The following PCDHA9 variants were observed in gnomAD, a reference collection of about 807,000 sequenced individuals.
PCDHA9 encodes the protein protocadherin alpha-9.
In PCDHA9, 62 loss-of-function variants were observed where a neutral mutation model predicts 62.0. The ratio of observed to expected loss-of-function variants is 1.00; its 90% CI spans 0.81 to 1.23. The LOEUF is 1.23. Among genes scored for constraint, PCDHA9 ranks in the 50% most tolerant of loss-of-function variants. The pLI is 0.00. For synonymous variants in PCDHA9, 557 were observed against 567.6 expected (o/e 0.98, Z 0.27); for missense variants, 1,205 against 1,249.8 (o/e 0.96, Z 0.54).
At chr5:140,852,040 G>A (rs2150280605) in intron 1 of PCDHA9, 1 of 922,330 alleles carries the variant, frequency 1.1e-6, no homozygotes, top group Admixed American at 6.3e-5. Flanking sequence ...TTGAGTTTTT[G>A]TTATGTGGTT....
At chr5:140,900,713 G>A (rs1367112592) in intron 1 of PCDHA9, among the ~76,000 whole-genome samples, 1 of 152,194 alleles carries the variant, frequency 6.6e-6, no homozygotes, top group Non-Finnish European at 1.5e-5. Context: ...TGGAAAGAAA[G>A]GAAATCCTAC....
chr5:140,861,527 G>C (rs1554154863), intron 1 of PCDHA9: 3 of 454,914 alleles, frequency 6.6e-6, no homozygotes, highest in Non-Finnish European at 1.4e-5. Context: ...GGAGGATCTC[G>C]GAGTGCAGCA....
At chr5:140,960,903 G>C (rs560284839) in intron 1 of PCDHA9, among the ~76,000 whole-genome samples, 3 of 152,308 alleles carry the variant, frequency 2.0e-5, no homozygotes, top group African/African-American at 7.2e-5. Context: ...GGCATATCTT[G>C]AGTTTCAGAT....
chr5:140,971,091 T>G (rs1355075556), intron 1 of PCDHA9, among the ~76,000 whole-genome samples: 1 of 152,180 alleles, frequency 6.6e-6, no homozygotes, highest in Non-Finnish European at 1.5e-5. Flanking sequence ...AACAAATTCT[T>G]GTGAAGCCCT....
chr5:140,977,359 A>G (rs1335405602), intron 1 of PCDHA9, among the ~76,000 whole-genome samples: 6 of 152,212 alleles, frequency 3.9e-5, no homozygotes, highest in Non-Finnish European at 8.8e-5. Context: ...TGATTGATAA[A>G]AAGTATTTTA....
In PCDHA9 at chr5:140,982,326, G is replaced by T. The variant is rs1369721700; in HGVS notation, c.2454-149G>T. 1.6e-5 allele frequency: 22 copies of T among 1,411,958 alleles called. No homozygotes were observed. In the Admixed American group the frequency reaches 3.0e-4, roughly 20 times the overall value. The allele number at this position is 1,411,958 out of a possible 1,614,324, so 87.5% of individuals were successfully genotyped here. On this transcript the variant is annotated intron_variant, in intron 2 of 3. Transcript: ENST00000532602. ...CTTCTGCAGTTTATGCAGGGTGACTGCTCAGCAGTAATTGCTTCAGTTCAA... is the reference window on the plus strand; with the variant it reads ...CTTCTGCAGTTTATGCAGGGTGACTTCTCAGCAGTAATTGCTTCAGTTCAA...
chr5:140,884,012 C>T, intron 1 of PCDHA9: 1 of 1,613,134 alleles, frequency 6.2e-7, no homozygotes, highest in Non-Finnish European at 8.5e-7. Context: ...CGAGCTGATG[C>T]CGCGGTCGGT....
At chr5:140,926,557 C>G (rs2083347198) in intron 1 of PCDHA9, 1 of 241,254 alleles carries the variant, frequency 4.1e-6, no homozygotes. Context: ...GACCCCAGCC[C>G]GCTGCTACTG....
At chr5:140,999,620 G>A (rs184259991) in intron 3 of PCDHA9, among the ~76,000 whole-genome samples, 6 of 152,262 alleles carry the variant, frequency 3.9e-5, no homozygotes, top group African/African-American at 1.2e-4. Flanking sequence ...TATCAACCAG[G>A]AAACAAGGTA....
chr5:140,897,947 T>G (rs1276045551), intron 1 of PCDHA9, among the ~76,000 whole-genome samples: 14 of 152,168 alleles, frequency 9.2e-5, no homozygotes, highest in African/African-American at 3.4e-4. Context: ...CAGTGATGAT[T>G]AGCATTTTTT....
chr5:140,995,993 A>G (rs1017469411), intron 3 of PCDHA9, among the ~76,000 whole-genome samples: 16 of 152,226 alleles, frequency 1.1e-4, no homozygotes, highest in Non-Finnish European at 1.8e-4. Context: ...GCCACTCAAA[A>G]ATGTCGTCAG....
At position 140,851,269 on chromosome 5, in the gene PCDHA9, T is replaced by C. The variant is rs1035284960; in HGVS notation, c.2394+380T>C. ...GATGCATAGTATTTTAGTCTACTTG[T>C]ATTGTTTATAAGAAACCCAAGCAAA... is the stretch of plus-strand genomic sequence containing the variant. On this transcript the variant is annotated intron_variant, in intron 1 of 3. Transcript: ENST00000532602. 2.6e-5 allele frequency: 28 copies of C among 1,066,570 alleles called. No homozygotes were observed. In the South Asian group the frequency reaches 9.7e-4, roughly 37 times the overall value. The allele number at this position is 1,066,570 out of a possible 1,614,324, so 66.1% of individuals were successfully genotyped here. A position where few individuals can be genotyped will look rare whatever the true frequency, so the allele number is the denominator to read the frequency against.
At chr5:140,861,303 GA>G in intron 1 of PCDHA9, 1 of 189,594 alleles carries the variant, frequency 5.3e-6, no homozygotes. Context: ...TGTGAAGCGG[GA>G]AAGGACCAGT....
intron 1 of PCDHA9, chr5:140,882,711 C>A: frequency 6.2e-7 from 1 of 1,614,160 alleles, no homozygotes; most frequent in Non-Finnish European, 8.5e-7. Flanking sequence ...TCTAGACCTC[C>A]GGAAACTCGA....
chr5:140,858,776 C>T, intron 1 of PCDHA9: 1 of 420,692 alleles, frequency 2.4e-6, no homozygotes, highest in Non-Finnish European at 4.3e-6. Flanking sequence ...GAGATTAGTA[C>T]TTCATGTTAT....
chr5:140,899,197 A>G (rs1300452676), intron 1 of PCDHA9, among the ~76,000 whole-genome samples: 2 of 152,018 alleles, frequency 1.3e-5, no homozygotes, highest in Admixed American at 6.6e-5. Context: ...TCTCCTGCCT[A>G]ATTGCCCTGG....
intron 1 of PCDHA9, among the ~76,000 whole-genome samples, chr5:140,910,560 G>A (rs1369178001): frequency 6.6e-6 from 1 of 152,160 alleles, no homozygotes; most frequent in East Asian, 1.9e-4. Flanking sequence ...ATTAGTCAAG[G>A]ATATATTTTC....
At chr5:140,907,092 G>C (rs1381969899) in intron 1 of PCDHA9, among the ~76,000 whole-genome samples, 4 of 152,262 alleles carry the variant, frequency 2.6e-5, no homozygotes, top group African/African-American at 9.6e-5. Context: ...GGTAAGTGGT[G>C]CCACTTCCAC....
chr5:140,927,342 T>TGAC (rs1554204398), intron 1 of PCDHA9: 2 of 1,614,160 alleles, frequency 1.2e-6, no homozygotes, highest in Admixed American at 3.3e-5. Flanking sequence ...ATGCCCAAGA[T>TGAC]GACGACGAGG....
Sources: gnomAD v4.1 joint callset for allele counts (sites outside exome capture counted in the v4.1 genomes callset) on GRCh38, gnomAD v4.1.1 for gene constraint, MANE v1.5 for transcripts, NCBI Gene and HGNC (gene_info 2026-07-23, HGNC 2026-07-21) for gene names.